The following SLC30A8 variants were observed in gnomAD, a reference collection of about 807,000 sequenced individuals.
SLC30A8 encodes solute carrier family 30 member 8.
In SLC30A8, 27 loss-of-function variants were observed where a neutral mutation model predicts 36.9. The observed-to-expected ratio is 0.73, with a 90% confidence interval of 0.54 to 1.01. The LOEUF is 1.01. Among genes scored for constraint, SLC30A8 ranks in the 50% least tolerant of loss-of-function variants. SLC30A8 has a pLI of 0.00. For synonymous variants in SLC30A8, 164 were observed against 172.4 expected, an observed-to-expected ratio of 0.95 and a Z score of 0.38; for missense variants, 439 against 452.0, an observed-to-expected ratio of 0.97 and a Z score of 0.26.
intron 1 of SLC30A8, among the ~76,000 whole-genome samples, chr8:117,020,584 G>A (rs1816665537): frequency 1.3e-5 from 2 of 152,144 alleles, no homozygotes; most frequent in Admixed American, 1.3e-4. Flanking sequence ...AGAATATTTA[G>A]TGCACCATTG....
At chr8:117,044,160 C>G (rs1235784464) in intron 2 of SLC30A8, among the ~76,000 whole-genome samples, 2 of 152,142 alleles carry the variant, frequency 1.3e-5, no homozygotes, top group Non-Finnish European at 2.9e-5. Flanking sequence ...TGGTCTTACC[C>G]AAGTGAAGAG....
At chr8:117,098,857 T>C (rs760791527) in intron 2 of SLC30A8, among the ~76,000 whole-genome samples, 2 of 152,112 alleles carry the variant, frequency 1.3e-5, no homozygotes, top group Non-Finnish European at 2.9e-5. Flanking sequence ...AGTTAGCTTC[T>C]GGGGAAAAAG....
intron 1 of SLC30A8, among the ~76,000 whole-genome samples, chr8:116,991,723 C>T (rs1042458028): frequency 6.6e-5 from 10 of 152,114 alleles, no homozygotes; most frequent in Admixed American, 3.3e-4. Flanking sequence ...TAAGTAAATT[C>T]AGATCTTTTT....
At chr8:117,037,407 A>C (rs1388841425) in intron 1 of SLC30A8, among the ~76,000 whole-genome samples, 1 of 152,162 alleles carries the variant, frequency 6.6e-6, no homozygotes, top group African/African-American at 2.4e-5. Context: ...CCTTTTGGTG[A>C]TCCTGCAAAA....
At chr8:117,171,304 G>C in intron 7 of SLC30A8, 136 bp downstream of exon 7, 1 of 1,015,114 alleles carries the variant, frequency 9.9e-7, no homozygotes, top group Non-Finnish European at 1.5e-6. Context: ...CTATTACCAA[G>C]GGCCTTTGAA....
chr8:117,023,054 GT>G, intron 1 of SLC30A8, among the ~76,000 whole-genome samples: 1 of 152,318 alleles, frequency 6.6e-6, no homozygotes, highest in South Asian at 2.1e-4. Context: ...CCATCAACAA[GT>G]GGGTGAAGGA....
At chr8:117,014,772 C>G (rs1161140737) in intron 1 of SLC30A8, among the ~76,000 whole-genome samples, 1 of 152,058 alleles carries the variant, frequency 6.6e-6, no homozygotes, top group Non-Finnish European at 1.5e-5. Context: ...GCCTGTTGTC[C>G]AACTCCCTTT....
intron 6 of SLC30A8, among the ~76,000 whole-genome samples, chr8:117,166,057 A>G (rs1288526375): frequency 2.6e-5 from 4 of 152,204 alleles, no homozygotes; most frequent in African/African-American, 9.6e-5. Flanking sequence ...CTAGTGTTCT[A>G]TAGCACTACA....
intron 2 of SLC30A8, among the ~76,000 whole-genome samples, chr8:117,078,548 C>T (rs573474537): frequency 6.6e-6 from 1 of 152,174 alleles, no homozygotes; most frequent in East Asian, 1.9e-4. Flanking sequence ...TGACATTCCT[C>T]TCTTACACTC....
chr8:117,019,238 C>T (rs1053255346), intron 1 of SLC30A8, among the ~76,000 whole-genome samples: 4 of 152,158 alleles, frequency 2.6e-5, no homozygotes, highest in African/African-American at 4.8e-5. Flanking sequence ...ATAGCTGAAG[C>T]TCAACGCATT....
chr8:117,152,061 G>A (rs1822216568), intron 2 of SLC30A8, among the ~76,000 whole-genome samples: 1 of 152,094 alleles, frequency 6.6e-6, no homozygotes, highest in Non-Finnish European at 1.5e-5. Flanking sequence ...ATGATGGCGG[G>A]GCTGATGGCT....
chr8:117,070,063 T>G (rs1286050730), intron 2 of SLC30A8, among the ~76,000 whole-genome samples: 4 of 152,248 alleles, frequency 2.6e-5, no homozygotes, highest in Non-Finnish European at 5.9e-5. Context: ...ATCTATAGTT[T>G]CCTACATTTC....
Position 117,172,764 on chromosome 8 carries a change from G to A in SLC30A8, c.*83G>A. The A allele has an allele frequency of 1.4e-6, 2 of 1,480,836 alleles. No homozygotes were observed. Among genetic ancestry groups the A allele is most frequent in the South Asian group, 1.2e-5 (1 of 83,200 alleles). The allele number at this position is 1,480,836 out of a possible 1,614,324, so 91.7% of individuals were successfully genotyped here. On this transcript the variant is annotated 3_prime_UTR_variant, in exon 8 of 8. Transcript: ENST00000456015. Reference sequence around the variant, plus strand: ...GCAGTTTCTGCATCATAGAAAATAAGGAACCAAAGGAAGAAATTCATGTCA... The same window carrying A: ...GCAGTTTCTGCATCATAGAAAATAAAGAACCAAAGGAAGAAATTCATGTCA...
In SLC30A8 at chr8:117,074,545, A is replaced by C. The variant is rs528663126; in HGVS notation, c.-226+35287A>C. Among the ~76,000 whole-genome samples the C allele has an allele frequency of 4.6e-5, 7 of 152,320 alleles. No homozygotes were observed. The South Asian group carries it at 1.2e-3, about 27-fold the overall frequency. On this transcript the variant is annotated intron_variant, in intron 2 of 10. Transcript: ENST00000427715. ...AGGGGGCATTGATGTTATAGCCATC[A>C]CTGTCACTAACACATTGATAATATT...
chr8:117,022,264 T>C (rs1816722881), intron 1 of SLC30A8, among the ~76,000 whole-genome samples: 1 of 151,802 alleles, frequency 6.6e-6, no homozygotes, highest in Non-Finnish European at 1.5e-5. Context: ...TTGAGATGGA[T>C]AAAATTTTTT....
At chr8:117,015,222 A>G (rs1420038416) in intron 1 of SLC30A8, among the ~76,000 whole-genome samples, 1 of 152,090 alleles carries the variant, frequency 6.6e-6, no homozygotes, top group Non-Finnish European at 1.5e-5. Context: ...TATATGTTCT[A>G]CACCACATAG....
At chr8:117,112,691 T>C (rs766765995) in intron 2 of SLC30A8, among the ~76,000 whole-genome samples, 28 of 152,162 alleles carry the variant, frequency 1.8e-4, no homozygotes, top group Non-Finnish European at 4.0e-4. Flanking sequence ...AGTCATCATA[T>C]TACTTGTAGG....
intron 1 of SLC30A8, among the ~76,000 whole-genome samples, chr8:116,991,849 G>GGGTC (rs1270482635): frequency 1.3e-5 from 2 of 152,118 alleles, no homozygotes; most frequent in Non-Finnish European, 2.9e-5. Context: ...AATCATGCAA[G>GGGTC]GGTCCACTGC....
At chr8:117,044,624 A>T (rs1464842963) in intron 2 of SLC30A8, among the ~76,000 whole-genome samples, 1 of 152,224 alleles carries the variant, frequency 6.6e-6, no homozygotes, top group Non-Finnish European at 1.5e-5. Context: ...TTCAGAGAAA[A>T]GGTTTATCTT....
Sources: allele counts gnomAD v4.1 joint callset (sites outside exome capture counted in the v4.1 genomes callset), GRCh38; gene constraint gnomAD v4.1.1; transcripts MANE v1.5; gene names NCBI Gene and HGNC (gene_info 2026-07-23, HGNC 2026-07-21).